SNTG1: variants seen among roughly 807,000 people sequenced by gnomAD.
The protein encoded by SNTG1 is gamma-1-syntrophin.
In SNTG1, 39 loss-of-function variants were observed where a neutral mutation model predicts 74.7. The observed-to-expected ratio is 0.52, with a 90% confidence interval of 0.40 to 0.68. The LOEUF (loss-of-function observed/expected upper bound fraction) is 0.68. SNTG1 is among the 30% of genes least tolerant of loss of function. The pLI is 0.00. For synonymous variants in SNTG1, 254 were observed against 217.1 expected (o/e 1.17, Z -1.49); for missense variants, 685 against 609.5 (o/e 1.12, Z -1.30).
At chr8:50,753,449 C>T (rs1244062056) in intron 18 of SNTG1, among the ~76,000 whole-genome samples, 1 of 151,878 alleles carries the variant, frequency 6.6e-6, no homozygotes, top group Non-Finnish European at 1.5e-5. Context: ...TGATGGGGAA[C>T]CTCAACCACC....
At chr8:50,078,718 C>A (rs555372533) in intron 1 of SNTG1, among the ~76,000 whole-genome samples, 2 of 152,222 alleles carry the variant, frequency 1.3e-5, no homozygotes, top group Non-Finnish European at 2.9e-5. Context: ...CTCTAGCCCC[C>A]CAACCCTCGA....
chr8:50,199,139 GT>G (rs746077778), intron 2 of SNTG1, among the ~76,000 whole-genome samples: 2 of 148,470 alleles, frequency 1.3e-5, no homozygotes, highest in African/African-American at 5.0e-5. Flanking sequence ...TCTTTGCAGT[GT>G]TTTTTTTTAA....
At chr8:50,261,541 A>C (rs982427405) in intron 2 of SNTG1, among the ~76,000 whole-genome samples, 4 of 152,138 alleles carry the variant, frequency 2.6e-5, no homozygotes, top group Admixed American at 2.6e-4. Flanking sequence ...GATTACTACT[A>C]ATCTGTTAGT....
At chr8:50,224,957 T>C (rs1234117633) in intron 2 of SNTG1, among the ~76,000 whole-genome samples, 2 of 151,830 alleles carry the variant, frequency 1.3e-5, no homozygotes, top group African/African-American at 4.8e-5. Context: ...AACTAAAGAG[T>C]CTGGTGTATT....
At position 50,169,133 on chromosome 8, in the gene SNTG1, A is replaced by ATT. The variant is rs201246573; in HGVS notation, c.-102-3426_-102-3425dup. On this transcript the variant is annotated intron_variant, in intron 1 of 18. Transcript: ENST00000642720. The stretch of plus-strand genomic sequence containing the variant: ...TTTCCATCTTTGTCATTTGTGGTTG[A>ATT]TTTCTTTTCCTCAGTGATATTTGTG... Among the ~76,000 whole-genome samples, 1,235 of 152,184 alleles carry ATT rather than the reference A, an allele frequency of 8.1e-3. 18 individuals carry two copies. The highest frequency in any genetic ancestry group is 0.029 in the African/African-American group (1,190 of 41,532).
intron 4 of SNTG1, among the ~76,000 whole-genome samples, chr8:50,414,833 C>A (rs1442080775): frequency 6.6e-6 from 1 of 151,930 alleles, no homozygotes; most frequent in Non-Finnish European, 1.5e-5. Flanking sequence ...TCCCCATTTG[C>A]CAACTTTGTG....
At chr8:50,106,684 A>G (rs1371403559) in intron 1 of SNTG1, among the ~76,000 whole-genome samples, 1 of 152,094 alleles carries the variant, frequency 6.6e-6, no homozygotes, top group Non-Finnish European at 1.5e-5. Flanking sequence ...TTCTGTTTTT[A>G]GTTTTCTTTA....
chr8:50,771,620 C>T (rs554319581), intron 18 of SNTG1, among the ~76,000 whole-genome samples: 15 of 147,734 alleles, frequency 1.0e-4, no homozygotes, highest in African/African-American at 4.0e-4. Flanking sequence ...TGAGTAGTTG[C>T]TAAAGAGATT....
intron 2 of SNTG1, among the ~76,000 whole-genome samples, chr8:50,326,308 G>T (rs2090745573): frequency 1.3e-5 from 2 of 152,016 alleles, no homozygotes; most frequent in South Asian, 4.1e-4. Context: ...GAATTCATTT[G>T]GTAGAAGCGT....
chr8:50,445,196 T>C (rs1464166854), intron 5 of SNTG1, among the ~76,000 whole-genome samples: 1 of 152,208 alleles, frequency 6.6e-6, no homozygotes, highest in Non-Finnish European at 1.5e-5. Context: ...AACGATAGCA[T>C]CCAGAAGGAT....
At chr8:50,176,913 G>A (rs1277580164) in intron 2 of SNTG1, among the ~76,000 whole-genome samples, 2 of 152,078 alleles carry the variant, frequency 1.3e-5, no homozygotes, top group African/African-American at 4.8e-5. Flanking sequence ...TCCCTCATGG[G>A]CAGATTAATC....
chr8:50,005,651 T>C (rs972872684), intron 1 of SNTG1, among the ~76,000 whole-genome samples: 49 of 152,200 alleles, frequency 3.2e-4, no homozygotes, highest in African/African-American at 1.2e-3. Context: ...AATGAAAATG[T>C]TGATTTACAT....
intron 13 of SNTG1, among the ~76,000 whole-genome samples, chr8:50,656,628 G>A (rs1341653736): frequency 6.6e-6 from 1 of 152,166 alleles, no homozygotes; most frequent in African/African-American, 2.4e-5. Context: ...AATTGATAGA[G>A]TGGGAAATAT....
At chr8:50,618,712 C>T (rs2094900788) in intron 13 of SNTG1, among the ~76,000 whole-genome samples, 3 of 152,192 alleles carry the variant, frequency 2.0e-5, no homozygotes, top group African/African-American at 7.2e-5. Context: ...AGCTGTATGA[C>T]TGATGGCCCA....
chr8:50,141,741 T>G (rs1398633139), intron 1 of SNTG1, among the ~76,000 whole-genome samples: 1 of 152,098 alleles, frequency 6.6e-6, no homozygotes, highest in Non-Finnish European at 1.5e-5. Context: ...ACATGTTGTA[T>G]AAATGTTCTA....
At chr8:50,681,947 G>A (rs2095332586) in intron 15 of SNTG1, among the ~76,000 whole-genome samples, 1 of 152,096 alleles carries the variant, frequency 6.6e-6, no homozygotes, top group South Asian at 2.1e-4. Context: ...AGTTGCTCTT[G>A]CCCAAGACCT....
In SNTG1 at chr8:49,939,159, T is replaced by C. The variant is rs544744105; in HGVS notation, c.-103+26928T>C. On this transcript the variant is annotated intron_variant, in intron 1 of 18. Coordinates refer to ENST00000642720, the MANE Select transcript of SNTG1 (RefSeq NM_018967.5). ...TTCAATTTATACTTACTCTTTCCACTAGCGTGTTAAAATTTCTGTTCTCTA... is the reference window on the plus strand; with the variant it reads ...TTCAATTTATACTTACTCTTTCCACCAGCGTGTTAAAATTTCTGTTCTCTA... Among the ~76,000 whole-genome samples the C allele has an allele frequency of 2.0e-5, 3 of 152,094 alleles. No homozygotes were observed. In the East Asian group the frequency reaches 5.8e-4, roughly 29 times the overall value.
intron 2 of SNTG1, among the ~76,000 whole-genome samples, chr8:50,346,995 G>T (rs1169173569): frequency 6.6e-6 from 1 of 152,222 alleles, no homozygotes; most frequent in Non-Finnish European, 1.5e-5. Context: ...TGATGTAGAA[G>T]CTGCAGCAAG....
chr8:50,325,032 C>T (rs2090687579), intron 2 of SNTG1, among the ~76,000 whole-genome samples: 1 of 130,880 alleles, frequency 7.6e-6, no homozygotes, highest in African/African-American at 2.8e-5. Context: ...ACAGATAGAT[C>T]AATAGAACAG....
Sources: gnomAD v4.1 joint callset for allele counts (sites outside exome capture counted in the v4.1 genomes callset) on GRCh38, gnomAD v4.1.1 for gene constraint, MANE v1.5 for transcripts, NCBI Gene and HGNC (gene_info 2026-07-23, HGNC 2026-07-21) for gene names.